BCKDHB: variants seen among roughly 807,000 people sequenced by gnomAD.
BCKDHB encodes the protein 2-oxoisovalerate dehydrogenase subunit beta, mitochondrial.
In BCKDHB, 41 loss-of-function variants were observed where a neutral mutation model predicts 48.5. That is an observed-to-expected ratio of 0.85 (90% CI 0.66 to 1.10). BCKDHB has a LOEUF of 1.10. Among genes scored for constraint, BCKDHB ranks in the 50% least tolerant of loss-of-function variants. The probability of loss-of-function intolerance (pLI) is 0.00; values close to 1 mark genes in which losing one functional copy is unlikely to be tolerated. For synonymous variants in BCKDHB, 201 were observed against 174.8 expected, an observed-to-expected ratio of 1.15 and a Z score of -1.18; for missense variants, 496 against 494.2, an observed-to-expected ratio of 1.00 and a Z score of -0.03.
intron 9 of BCKDHB, among the ~76,000 whole-genome samples, chr6:80,293,710 T>G (rs1334747101): frequency 6.6e-6 from 1 of 152,206 alleles, no homozygotes; most frequent in Non-Finnish European, 1.5e-5. Context: ...TTTTCCAAAC[T>G]TTTATGCTCT....
the BCKDHB span, among the ~76,000 whole-genome samples, chr6:80,416,024 T>G: frequency 5.9e-5 from 9 of 152,076 alleles, no homozygotes; most frequent in African/African-American, 2.2e-4. Context: ...TCAGGATTTT[T>G]TTTTATTTCT....
At chr6:80,383,448 A>G in the BCKDHB span, among the ~76,000 whole-genome samples, 1 of 152,124 alleles carries the variant, frequency 6.6e-6, no homozygotes, top group Non-Finnish European at 1.5e-5. Flanking sequence ...AGACAATTAC[A>G]TATATAAAAT....
At chr6:80,179,297 A>G (rs977873401) in intron 6 of BCKDHB, among the ~76,000 whole-genome samples, 4 of 152,196 alleles carry the variant, frequency 2.6e-5, no homozygotes, top group Middle Eastern at 3.2e-3. Flanking sequence ...ATGGAAATAT[A>G]TACAGTTGGC....
In BCKDHB at chr6:80,142,223, TAA is replaced by T. The variant is rs895889490; in HGVS notation, c.343+12995_343+12996del. On this transcript the variant is annotated intron_variant, in intron 3 of 9. Transcript: ENST00000320393. ...AGTTGAAATTTATTTTATTGAGTAA[TAA>T]GTGTTAGATTATAAAATCAAATAAA... Among the ~76,000 whole-genome samples, 263 of 152,192 alleles carry T rather than the reference TAA, an allele frequency of 1.7e-3. 1 individual carries two copies. Among genetic ancestry groups the T allele is most frequent in the African/African-American group, 6.0e-3 (249 of 41,562 alleles).
At chr6:80,291,200 C>T (rs965949301) in intron 9 of BCKDHB, among the ~76,000 whole-genome samples, 1 of 152,000 alleles carries the variant, frequency 6.6e-6, no homozygotes, top group Non-Finnish European at 1.5e-5. Context: ...TGACATTTCT[C>T]CCCTCCCTTA....
the BCKDHB span, among the ~76,000 whole-genome samples, chr6:80,428,499 G>T: frequency 6.6e-6 from 1 of 152,178 alleles, no homozygotes; most frequent in Admixed American, 6.5e-5. Flanking sequence ...CAGTGTGAAA[G>T]TGTTCCTATT....
rs547989212 is a variant in BCKDHB, at chr6:80,147,609, G to A, written c.343+18380G>A. Among the ~76,000 whole-genome samples the A allele has an allele frequency of 3.3e-5, 5 of 152,114 alleles. No individual in the cohort carries two copies. The East Asian group carries it at 9.7e-4, about 29-fold the overall frequency. On this transcript the variant is annotated intron_variant, in intron 3 of 9. Transcript: ENST00000320393. Reference sequence around the variant, plus strand: ...AAGCTGAGACTAAAAGCAGGGAGACGGGGGTGAGATGATGCCTGAGTCCAG... The same window carrying A: ...AAGCTGAGACTAAAAGCAGGGAGACAGGGGTGAGATGATGCCTGAGTCCAG...
the BCKDHB span, among the ~76,000 whole-genome samples, chr6:80,376,170 G>A: frequency 1.3e-3 from 202 of 152,180 alleles, 1 homozygote; most frequent in African/African-American, 4.7e-3. Flanking sequence ...CTCTCTGGGT[G>A]GGGCTTGCTG....
At chr6:80,342,082 T>C (rs544549674) in intron 9 of BCKDHB, among the ~76,000 whole-genome samples, 2 of 152,306 alleles carry the variant, frequency 1.3e-5, no homozygotes, top group African/African-American at 4.8e-5. Flanking sequence ...GGGAGGTCTG[T>C]AAATGTCCAG....
chr6:80,399,897 G>A, the BCKDHB span, among the ~76,000 whole-genome samples: 2 of 152,020 alleles, frequency 1.3e-5, no homozygotes, highest in African/African-American at 2.4e-5. Flanking sequence ...ATTGACTAAT[G>A]GAATAGAATA....
At chr6:80,271,344 C>T (rs997689423) in intron 8 of BCKDHB, among the ~76,000 whole-genome samples, 1 of 152,108 alleles carries the variant, frequency 6.6e-6, no homozygotes, top group Admixed American at 6.6e-5. Context: ...GAGGAGTGCT[C>T]AGAAGGGCTC....
At chr6:80,126,689 T>C (rs567408164) in intron 1 of BCKDHB, among the ~76,000 whole-genome samples, 2 of 151,962 alleles carry the variant, frequency 1.3e-5, no homozygotes, top group East Asian at 1.9e-4. Context: ...TGCAGAGGAG[T>C]TGACTTAAAG....
chr6:80,322,458 C>T (rs1768789066), intron 9 of BCKDHB, among the ~76,000 whole-genome samples: 2 of 151,836 alleles, frequency 1.3e-5, no homozygotes, highest in Admixed American at 6.6e-5. Flanking sequence ...AGGCTGGTCT[C>T]GAACTCCTGA....
intron 9 of BCKDHB, among the ~76,000 whole-genome samples, chr6:80,330,093 G>T (rs1769245180): frequency 7.8e-6 from 1 of 128,932 alleles, no homozygotes; most frequent in African/African-American, 2.9e-5. Context: ...AGAGAGGCTT[G>T]TGTCAAGGTG....
Position 80,168,973 on chromosome 6 carries a change from G to T in BCKDHB, c.576G>T (p.Gly192=). ...IRSPWGCVGH[G]ALYHSQSPEA... is the part of the protein sequence containing the mutation. The stretch of plus-strand genomic sequence containing the variant: ...CCCCTTGGGGCTGTGTTGGTCATGG[G>T]GCTCTCTATCATTCTCAGAGTCCTG... Residue 192 remains glycine, a synonymous_variant, in exon 5 of 10, where the codon GGG becomes GGT. Transcript: ENST00000320393. 6.2e-7 allele frequency: 1 copy of T among 1,614,112 alleles called. No individual in the cohort carries two copies.
chr6:80,306,911 G>A (rs1767908496), intron 9 of BCKDHB, among the ~76,000 whole-genome samples: 1 of 152,174 alleles, frequency 6.6e-6, no homozygotes, highest in Non-Finnish European at 1.5e-5. Context: ...ACTGGTACAT[G>A]TAAAGAACAA....
At chr6:80,253,613 A>G (rs1358692234) in intron 8 of BCKDHB, among the ~76,000 whole-genome samples, 1 of 152,142 alleles carries the variant, frequency 6.6e-6, no homozygotes, top group Non-Finnish European at 1.5e-5. Context: ...GAAGACATGG[A>G]TGATAGGGAA....
intron 3 of BCKDHB, among the ~76,000 whole-genome samples, chr6:80,136,860 A>C (rs938747635): frequency 2.0e-5 from 3 of 152,168 alleles, no homozygotes; most frequent in African/African-American, 7.2e-5. Flanking sequence ...ACCAGTGAAA[A>C]GATGCTCAAC....
chr6:80,120,085 C>T (rs1769924030), intron 1 of BCKDHB, among the ~76,000 whole-genome samples: 2 of 152,104 alleles, frequency 1.3e-5, no homozygotes, highest in South Asian at 2.1e-4. Context: ...TTGTTCATTT[C>T]CCACTTATGA....
Sources: gnomAD v4.1 joint callset for allele counts (sites outside exome capture counted in the v4.1 genomes callset) on GRCh38, gnomAD v4.1.1 for gene constraint, MANE v1.5 for transcripts, NCBI Gene and HGNC (gene_info 2026-07-23, HGNC 2026-07-21) for gene names.